The following ZNF701 variants were observed in gnomAD, a reference collection of about 807,000 sequenced individuals.
ZNF701 encodes zinc finger protein 701.
A neutral mutation model predicts 7.1 loss-of-function variants in ZNF701; 6 were observed. That is an observed-to-expected ratio of 0.84 (90% CI 0.46 to 1.66). The LOEUF is 1.66. ZNF701 is among the 40% of genes most tolerant of loss of function. The pLI is 0.01. For missense variants in ZNF701, 541 were observed against 559.2 expected, an observed-to-expected ratio of 0.97 and a Z score of 0.33; for synonymous variants, 166 against 188.2, an observed-to-expected ratio of 0.88 and a Z score of 0.97.
chr19:52,596,207 G>T, the ZNF701 span: 1 of 577,032 alleles, frequency 1.7e-6, no homozygotes, highest in South Asian at 1.8e-5. Context: ...GTATAAATGT[G>T]ATGTATGTGG....
rs968417056 is a variant in ZNF701, at chr19:52,586,587, C to T, written c.*3130C>T. ...GCATTTTGTAGAAGGATGGCCAACGCAGCCTGTTGACCCTTCCTGGCCATC... is the reference window on the plus strand; with the variant it reads ...GCATTTTGTAGAAGGATGGCCAACGTAGCCTGTTGACCCTTCCTGGCCATC... On this transcript the variant is annotated 3_prime_UTR_variant, in exon 4 of 4. Transcript: ENST00000391785. 6.6e-6 allele frequency: 1 copy of T among 152,136 alleles called. No homozygotes were observed. The highest frequency in any genetic ancestry group is 1.5e-5 in the Non-Finnish European group (1 of 68,038). The allele number at this position is 152,136 out of a possible 1,614,324, so 9.4% of individuals were successfully genotyped here.
chr19:52,582,989 A>C lies in ZNF701; in HGVS notation c.930A>C (p.Gln310His), dbSNP rs142528659. The change falls in exon 4 of 4, where the codon CAA (glutamine) becomes CAC (histidine). Residue 310 changes from glutamine to histidine, a missense_variant. Transcript: ENST00000391785. ...AATGTGGCAAGGTTTTTAATCAACAATCAAACCTTGCACGTCATCATAGAG... is the reference window on the plus strand; with the variant it reads ...AATGTGGCAAGGTTTTTAATCAACACTCAAACCTTGCACGTCATCATAGAG... ...CNECGKVFNQ[Q>H]SNLARHHRVH... 6.2e-7 allele frequency: 1 copy of C among 1,613,870 alleles called. No homozygotes were observed. The highest frequency in any genetic ancestry group is 8.5e-7 in the Non-Finnish European group (1 of 1,179,988).
At chr19:52,591,689 G>A (rs1055605586), downstream of ZNF701, among the ~76,000 whole-genome samples, 1 of 152,130 alleles carries the variant, frequency 6.6e-6, no homozygotes, top group African/African-American at 2.4e-5. Context: ...TCAAGTAGCT[G>A]GGATTACAGG....
rs1198882790 is a variant in ZNF701, at chr19:52,587,129, G to A, written c.*3672G>A. On this transcript the variant is annotated 3_prime_UTR_variant, in exon 4 of 4. Coordinates refer to ENST00000391785, the MANE Select transcript of ZNF701 (RefSeq NM_018260.3). The stretch of plus-strand genomic sequence containing the variant: ...TACTTCTGGGTGCTTAGCTGAGGTT[G>A]ACACCATGTATTTTAAATATGGAAA... 1 of 152,190 alleles carries A rather than the reference G, an allele frequency of 6.6e-6. No homozygotes were observed. The highest frequency in any genetic ancestry group is 1.5e-5 in the Non-Finnish European group (1 of 68,038). The allele number at this position is 152,190 out of a possible 1,614,324, so 9.4% of individuals were successfully genotyped here.
At chr19:52,597,588 TC>T in the ZNF701 span, 13 of 361,848 alleles carry the variant, frequency 3.6e-5, no homozygotes, top group Non-Finnish European at 4.8e-5. Flanking sequence ...ATGCCTGTAA[TC>T]CCAGCACTTT....
intron 2 of ZNF701, among the ~76,000 whole-genome samples, chr19:52,574,596 C>T (rs529239768): frequency 6.6e-6 from 1 of 152,248 alleles, no homozygotes; most frequent in South Asian, 2.1e-4. Flanking sequence ...AATCTTTTCT[C>T]CCTAATTTTA....
At chr19:52,575,158 A>G (rs1299730152) in intron 2 of ZNF701, among the ~76,000 whole-genome samples, 2 of 152,000 alleles carry the variant, frequency 1.3e-5, no homozygotes, top group Non-Finnish European at 2.9e-5. Flanking sequence ...TTTAGTAGAG[A>G]CGGGGTTTCA....
intron 1 of ZNF701, chr19:52,572,469 C>T: frequency 1.7e-6 from 2 of 1,196,698 alleles, no homozygotes; most frequent in African/African-American, 3.2e-5. Flanking sequence ...TCAGAACTTG[C>T]AAAGGAAGTT....
At position 52,575,919 on chromosome 19, in the gene ZNF701, G is replaced by A; in HGVS notation, c.40G>A (p.Ala14Thr). The A allele has an allele frequency of 1.3e-6, 2 of 1,544,692 alleles. No homozygotes were observed. The highest frequency in any genetic ancestry group is 1.7e-6 in the Non-Finnish European group (2 of 1,142,964). The change falls in exon 3 of 4, where the codon GCC becomes ACC. Residue 14 changes from alanine (A) to threonine (T), a missense_variant. Coordinates refer to ENST00000391785, the MANE Select transcript of ZNF701 (RefSeq NM_018260.3). ...LQGLLTFRDVAIEFSQEEWKC... is the reference protein window; with the variant it reads ...LQGLLTFRDVTIEFSQEEWKC... ...GGGTCTACTGACATTCAGGGATGTG[G>A]CCATAGAATTCTCTCAGGAGGAGTG...
chr19:52,575,811 T>C, intron 2 of ZNF701, 84 bp from the exon 3 acceptor site: 2 of 927,982 alleles, frequency 2.2e-6, no homozygotes, highest in Non-Finnish European at 3.1e-6. Context: ...ATTAAATCCA[T>C]GCTTTCCCCT....
In ZNF701 at chr19:52,582,872, G is replaced by T; in HGVS notation, c.813G>T (p.Thr271=). 6.2e-7 allele frequency: 1 copy of T among 1,613,178 alleles called. No homozygotes were observed. Residue 271 remains threonine, a synonymous_variant, in exon 4 of 4, where the codon ACG becomes ACT. Transcript: ENST00000391785. ...GTCACACTGGTGAGAATCCTTACAC[G>T]TGTAATGAGTGTGGCAAGACATTCA... ...HRCHTGENPY[T]CNECGKTFSH...
downstream of ZNF701, among the ~76,000 whole-genome samples, chr19:52,590,104 A>AT (rs1249028693): frequency 1.1e-5 from 1 of 90,692 alleles, no homozygotes; most frequent in East Asian, 3.0e-4. Flanking sequence ...TGTTTTTTTT[A>AT]TTGTTTTTTT....
At chr19:52,591,582 G>T (rs771058739), downstream of ZNF701, among the ~76,000 whole-genome samples, 2 of 152,092 alleles carry the variant, frequency 1.3e-5, no homozygotes, top group Non-Finnish European at 2.9e-5. Flanking sequence ...TTCGCCTCTG[G>T]GGCTCAAGCA....
chr19:52,583,605 A>G lies in ZNF701; in HGVS notation c.*148A>G. On this transcript the variant is annotated 3_prime_UTR_variant, in exon 4 of 4. Transcript: ENST00000391785. ...CCTTGAAATACATAGGAGAGTTCAT[A>G]CTGGAGAGAAACCATACAAATGTAA... 1 of 1,360,124 alleles carries G rather than the reference A, an allele frequency of 7.4e-7. No homozygotes were observed. The highest frequency in any genetic ancestry group is 1.2e-5 in the South Asian group (1 of 85,564). The allele number at this position is 1,360,124 out of a possible 1,614,324, so 84.3% of individuals were successfully genotyped here.
intron 1 of ZNF701, among the ~76,000 whole-genome samples, chr19:52,572,920 A>G (rs1343475295): frequency 6.6e-6 from 1 of 151,946 alleles, no homozygotes; most frequent in Admixed American, 6.6e-5. Context: ...TATTTCTCTA[A>G]ATGCTCACAG....
At chr19:52,574,287 C>G (rs1349865455) in intron 2 of ZNF701, 125 bp downstream of exon 2, 1 of 1,454,886 alleles carries the variant, frequency 6.9e-7, no homozygotes, top group East Asian at 2.3e-5. Flanking sequence ...TCAACTCATG[C>G]CTTCCCTCAG....
rs1555771616 is a variant in ZNF701 at position 52,571,251 on chromosome 19, A to AG, written c.-72+922dup. Reference sequence around the variant, plus strand: ...ATCAGAGTGAGAGAGAGAGAGAGAGAGAGGAGGAATTTGGAGCCAGGGCAG... The same window carrying AG: ...ATCAGAGTGAGAGAGAGAGAGAGAGAGGAGGAGGAATTTGGAGCCAGGGCAG... On this transcript the variant is annotated intron_variant, in intron 1 of 3. Transcript: ENST00000391785. Among the ~76,000 whole-genome samples, 51 of 150,824 alleles carry AG rather than the reference A, an allele frequency of 3.4e-4. No homozygotes were observed. The South Asian group carries it at 4.4e-3, about 13-fold the overall frequency.
chr19:52,582,582 T>G lies in ZNF701; in HGVS notation c.523T>G (p.Ser175Ala). 1 of 1,614,220 alleles carries G rather than the reference T, an allele frequency of 6.2e-7. No homozygotes were observed. The highest frequency in any genetic ancestry group is 8.5e-7 in the Non-Finnish European group (1 of 1,180,044). The part of the protein sequence containing the change: ...EKAINDAFSV[S>A]ASQRISCRPK... ...GGCTATCAACGATGCTTTCTCAGTTTCAGCATCCCAACGAATTTCCTGTAG... is the reference window on the plus strand; with the variant it reads ...GGCTATCAACGATGCTTTCTCAGTTGCAGCATCCCAACGAATTTCCTGTAG... The change falls in exon 4 of 4, where the codon TCA becomes GCA. Residue 175 changes from serine to alanine, a missense_variant. Ser to Ala is a moderately conservative substitution (Grantham distance 99). Coordinates refer to ENST00000391785, the MANE Select transcript of ZNF701 (RefSeq NM_018260.3).
rs1166527301 is a variant in ZNF701 at position 52,583,364 on chromosome 19, G to C, written c.1305G>C (p.Glu435Asp). The change falls in exon 4 of 4, where the codon GAG (glutamate) becomes GAC (aspartate). Residue 435 changes from glutamate (E) to aspartate (D), a missense_variant. Glu to Asp is a conservative substitution (Grantham distance 45, BLOSUM62 2). Transcript: ENST00000391785. ...GTCATCGTAGACTTCATACTGGAGA[G>C]AAACCTTACAAGTGTAATGAATGTG... ...LACHRRLHTG[E>D]KPYKCNECGK... 3 of 1,607,842 alleles carry C rather than the reference G, an allele frequency of 1.9e-6. No homozygotes were observed. Among genetic ancestry groups the C allele is most frequent in the Non-Finnish European group, 1.7e-6 (2 of 1,174,810 alleles).
Sources: allele counts gnomAD v4.1 joint callset (sites outside exome capture counted in the v4.1 genomes callset), GRCh38; gene constraint gnomAD v4.1.1; transcripts MANE v1.5; gene names NCBI Gene and HGNC (gene_info 2026-07-23, HGNC 2026-07-21).